The following VPS33A variants were observed in gnomAD, a reference collection of about 807,000 sequenced individuals.
VPS33A encodes the protein vacuolar protein sorting-associated protein 33A.
In VPS33A, 32 loss-of-function variants were observed where a neutral mutation model predicts 71.8. The ratio of observed to expected loss-of-function variants is 0.45; its 90% CI spans 0.34 to 0.60. VPS33A has a LOEUF of 0.60. Among genes scored for constraint, VPS33A ranks in the 20% least tolerant of loss-of-function variants. VPS33A has a pLI of 0.02. For synonymous variants in VPS33A, 311 were observed against 292.7 expected (o/e 1.06, Z -0.64); for missense variants, 625 against 748.5 (o/e 0.84, Z 1.92).
At chr12:122,265,767 C>G (rs1392453301) in intron 1 of VPS33A, 1 of 448,286 alleles carries the variant, frequency 2.2e-6, no homozygotes, top group Non-Finnish European at 4.5e-6. Flanking sequence ...AAAAGAAATC[C>G]TATAAAATCT....
chr12:122,237,528 GT>G (rs1954644203), intron 10 of VPS33A, among the ~76,000 whole-genome samples: 1 of 129,940 alleles, frequency 7.7e-6, no homozygotes, highest in South Asian at 2.3e-4. Flanking sequence ...TGCACATAAA[GT>G]TTTTCTTTTT....
intron 6 of VPS33A, among the ~76,000 whole-genome samples, chr12:122,246,412 G>A (rs965236487): frequency 1.8e-4 from 28 of 151,868 alleles, no homozygotes; most frequent in Non-Finnish European, 3.4e-4. Flanking sequence ...CGATTCTCCT[G>A]CCTCAGCCTC....
Position 122,232,538 on chromosome 12 carries a change from A to G in VPS33A, c.1610-111T>C, listed in dbSNP as rs998604666. On this transcript the variant is annotated intron_variant, in intron 12 of 12. Coordinates refer to ENST00000267199, the MANE Select transcript of VPS33A (RefSeq NM_022916.6). ...AATAAACAAGTGCCTTCATCCAGAC[A>G]GTTCATCTGAAACCTAAGAATACTG... 2.9e-5 allele frequency: 34 copies of G among 1,190,460 alleles called. 1 individual carries two copies. Among genetic ancestry groups the G allele is most frequent in the Admixed American group, 5.8e-5 (2 of 34,516 alleles). 73.7% of individuals were successfully genotyped at this position (1,190,460 alleles called of 1,614,324 possible). A position where few individuals can be genotyped will look rare whatever the true frequency, so the allele number is the denominator to read the frequency against.
chr12:122,257,804 G>C (rs1444628696), intron 4 of VPS33A, among the ~76,000 whole-genome samples: 1 of 152,068 alleles, frequency 6.6e-6, no homozygotes, highest in Non-Finnish European at 1.5e-5. Context: ...TGATTTCAAA[G>C]CTTATGGCAA....
At chr12:122,235,446 G>A (rs1458219911) in intron 11 of VPS33A, among the ~76,000 whole-genome samples, 1 of 151,890 alleles carries the variant, frequency 6.6e-6, no homozygotes, top group South Asian at 2.1e-4. Flanking sequence ...TGTATTTTTA[G>A]TAGAGATGGG....
In VPS33A at chr12:122,259,187, GTGTATGTATGTA is replaced by G. The variant is rs71082954; in HGVS notation, c.483+2062_483+2073del. Among the ~76,000 whole-genome samples, 472 of 144,732 alleles carry G rather than the reference GTGTATGTATGTA, an allele frequency of 3.3e-3. 12 individuals are homozygous for G. In the East Asian group the frequency reaches 0.069, roughly 21 times the overall value. The allele number at this position is 144,732 out of a possible 152,430, so 94.9% of individuals were successfully genotyped here. A position where few individuals can be genotyped will look rare whatever the true frequency, so the allele number is the denominator to read the frequency against. Reference sequence around the variant, plus strand: ...GGGGTGTGTGTGTGTGTATGTATGTGTGTATGTATGTATGTATGTATGTATGTATGTATGTAT... The same window carrying G: ...GGGGTGTGTGTGTGTGTATGTATGTGTGTATGTATGTATGTATGTATGTAT... On this transcript the variant is annotated intron_variant, in intron 4 of 12. Transcript: ENST00000267199.
At chr12:122,251,966 C>T (rs1002441114) in intron 4 of VPS33A, among the ~76,000 whole-genome samples, 1 of 151,052 alleles carries the variant, frequency 6.6e-6, no homozygotes, top group Non-Finnish European at 1.5e-5. Flanking sequence ...CACACAAAAC[C>T]ACCTGGGAAG....
intron 4 of VPS33A, among the ~76,000 whole-genome samples, chr12:122,255,003 A>G (rs568595231): frequency 5.3e-5 from 8 of 151,496 alleles, no homozygotes; most frequent in South Asian, 2.1e-4. Flanking sequence ...ATGAGACGAG[A>G]TGGCACCAAC....
Position 122,234,519 on chromosome 12 carries a change from T to TG in VPS33A, c.1440+1266dup, listed in dbSNP as rs552447007. Among the ~76,000 whole-genome samples the TG allele has an allele frequency of 7.2e-5, 11 of 152,294 alleles. No homozygotes were observed. The East Asian group carries it at 2.1e-3, about 29-fold the overall frequency. ...GTTGGCCAGGCTGGTCTTGAACTCC[T>TG]GACCTCAAGTGATCCTCCTGCCTTG... On this transcript the variant is annotated intron_variant, in intron 11 of 12. Coordinates refer to ENST00000267199, the MANE Select transcript of VPS33A (RefSeq NM_022916.6).
At chr12:122,245,104 T>C (rs535511363) in intron 6 of VPS33A, among the ~76,000 whole-genome samples, 39 of 152,294 alleles carry the variant, frequency 2.6e-4, no homozygotes, top group Middle Eastern at 3.4e-3. Flanking sequence ...CATGTTCCAT[T>C]AGTGGATCAT....
At chr12:122,247,889 A>T (rs768754709) in intron 6 of VPS33A, among the ~76,000 whole-genome samples, 40 of 151,776 alleles carry the variant, frequency 2.6e-4, no homozygotes, top group African/African-American at 7.0e-4. Flanking sequence ...ATTTAAAAAA[A>T]TTTTCACCTA....
intron 11 of VPS33A, 28 bp from the exon 12 acceptor site, chr12:122,232,996 C>T: frequency 6.4e-7 from 1 of 1,557,906 alleles, no homozygotes. Context: ...AACAAAAACC[C>T]TATAGATACA....
Position 122,249,856 on chromosome 12 carries a change from A to G in VPS33A, c.775+15T>C, listed in dbSNP as rs1271360818. On this transcript the variant is annotated intron_variant, in intron 6 of 12. Coordinates refer to ENST00000267199, the MANE Select transcript of VPS33A (RefSeq NM_022916.6). ...TCATATTACCTATTAGTGAAAACAG[A>G]TGTCATGTACTTACTGTTCTGAATG... The G allele has an allele frequency of 6.2e-7, 1 of 1,603,496 alleles. No homozygotes were observed. Among genetic ancestry groups the G allele is most frequent in the Admixed American group, 1.7e-5 (1 of 58,034 alleles).
At chr12:122,237,859 A>G (rs1417343975) in intron 10 of VPS33A, among the ~76,000 whole-genome samples, 2 of 151,916 alleles carry the variant, frequency 1.3e-5, no homozygotes, top group African/African-American at 4.8e-5. Context: ...TATGTTGCCT[A>G]GGCTGGTTTT....
In VPS33A at chr12:122,244,584, G is replaced by C; in HGVS notation, c.954C>G (p.Ile318Met). 6.2e-7 allele frequency: 1 copy of C among 1,607,390 alleles called. No homozygotes were observed. Among genetic ancestry groups the C allele is most frequent in the Non-Finnish European group, 8.5e-7 (1 of 1,174,350 alleles). Residue 318 changes from isoleucine (I) to methionine (M), a missense_variant, in exon 7 of 13, where the codon ATC (isoleucine) becomes ATG (methionine). Physicochemically the swap from Ile to Met is conservative, Grantham distance 10. Transcript: ENST00000267199. The part of the protein sequence containing the change: ...GSVLSKKAKI[I>M]SAAFEERHNA... ...CTTGCCTCACCTCGAATGCTGCAGA[G>C]ATGATCTTTGCTTTCTTGCTGAGCA... is the stretch of plus-strand genomic sequence containing the variant.
Position 122,242,269 on chromosome 12 carries a change from T to C in VPS33A, c.1096+113A>G, listed in dbSNP as rs1337924373. On this transcript the variant is annotated intron_variant, in intron 8 of 12. Transcript: ENST00000267199. ...TTAACACTGAGAAGAACACGTGGTA[T>C]TAAGACAGAGCTGACTCTCCCGAAG... The C allele has an allele frequency of 1.3e-5, 17 of 1,316,122 alleles. 1 individual carries two copies. Among genetic ancestry groups the C allele is most frequent in the Non-Finnish European group, 1.8e-5 (17 of 942,362 alleles). 81.5% of individuals were successfully genotyped at this position (1,316,122 alleles called of 1,614,324 possible). A position where few individuals can be genotyped will look rare whatever the true frequency, so the allele number is the denominator to read the frequency against.
chr12:122,262,988 ACT>A (rs1369142087), intron 3 of VPS33A, among the ~76,000 whole-genome samples: 1 of 134,406 alleles, frequency 7.4e-6, no homozygotes, highest in Non-Finnish European at 1.6e-5. Context: ...ATCCAATTAC[ACT>A]CTTTTTTTTT....
At chr12:122,264,545 C>T (rs912580645) in intron 1 of VPS33A, among the ~76,000 whole-genome samples, 2 of 152,038 alleles carry the variant, frequency 1.3e-5, no homozygotes, top group African/African-American at 4.8e-5. Context: ...CATGCACCAC[C>T]ATGCCTGGCC....
chr12:122,242,516 A>G lies in VPS33A; in HGVS notation c.970-8T>C. ...CTTAGCATTGTGTCTTTCCTGAAAT[A>G]AACAAGAGAGCAGTGCCTCAAGCAG... On this transcript the variant is annotated splice_region_variant and splice_polypyrimidine_tract_variant and intron_variant, in intron 7 of 12. Transcript: ENST00000267199. 2 of 1,605,370 alleles carry G rather than the reference A, an allele frequency of 1.2e-6. No individual in the cohort carries two copies. The highest frequency in any genetic ancestry group is 1.1e-5 in the South Asian group (1 of 90,614).
Sources: allele counts gnomAD v4.1 joint callset (sites outside exome capture counted in the v4.1 genomes callset), GRCh38; gene constraint gnomAD v4.1.1; transcripts MANE v1.5; gene names NCBI Gene and HGNC (gene_info 2026-07-23, HGNC 2026-07-21).